The following COG6 variants were observed in gnomAD, a reference collection of about 807,000 sequenced individuals.
COG6 encodes component of oligomeric golgi complex 6, also known as conserved oligomeric Golgi complex subunit 6.
COG6 carries 74 observed loss-of-function variants against 88.8 expected under a neutral mutation model. That is an observed-to-expected ratio of 0.83 (90% confidence interval 0.69 to 1.01). The LOEUF (loss-of-function observed/expected upper bound fraction) is 1.01. Among genes scored for constraint, COG6 ranks in the 50% least tolerant of loss-of-function variants. The pLI is 0.00. For synonymous variants in COG6, 286 were observed against 278.7 expected, an observed-to-expected ratio of 1.03 and a Z score of -0.26; for missense variants, 800 against 797.9, an observed-to-expected ratio of 1.00 and a Z score of -0.03.
At chr13:39,775,522 C>CTA (rs1206885091) in intron 18 of COG6, among the ~76,000 whole-genome samples, 1 of 152,188 alleles carries the variant, frequency 6.6e-6, no homozygotes, top group East Asian at 1.9e-4. Flanking sequence ...TTTGACCTTA[C>CTA]TATACATCCT....
intron 18 of COG6, among the ~76,000 whole-genome samples, chr13:39,779,691 GTGGCTTCATTGAACGAAGAC>G (rs1370607273): frequency 6.6e-6 from 1 of 152,094 alleles, no homozygotes; most frequent in Non-Finnish European, 1.5e-5. Flanking sequence ...GATTCTTAAC[GTGGCTTCATTGAACGAAGAC>G]CTCTCCAGGG....
intron 4 of COG6, 93 bp downstream of exon 4, chr13:39,665,247 A>G: frequency 1.4e-6 from 1 of 739,798 alleles, no homozygotes; most frequent in Non-Finnish European, 2.4e-6. Context: ...TTAAAGCAGA[A>G]TAATAAAAAA....
At position 39,703,779 on chromosome 13, in the gene COG6, C is replaced by G. The variant is rs78074696; in HGVS notation, c.1284+4161C>G. On this transcript the variant is annotated intron_variant, in intron 13 of 18. Transcript: ENST00000455146. ...TATTTATTTTTTTAAGCAACAGGGT[C>G]TTACTGTTGTTGCCCAGGATCGTAG... Among the ~76,000 whole-genome samples, 1,197 of 152,086 alleles carry G rather than the reference C, an allele frequency of 7.9e-3. 18 individuals are homozygous for G. The highest frequency in any genetic ancestry group is 0.025 in the African/African-American group (1,038 of 41,504).
chr13:39,728,960 G>A (rs968499351), intron 18 of COG6, among the ~76,000 whole-genome samples: 7 of 152,084 alleles, frequency 4.6e-5, no homozygotes, highest in African/African-American at 1.4e-4. Context: ...ACTGCGCCCG[G>A]CCAATGTGCT....
At chr13:39,723,550 C>A in intron 16 of COG6, 110 bp downstream of exon 16, 1 of 695,986 alleles carries the variant, frequency 1.4e-6, no homozygotes, top group East Asian at 2.7e-5. Flanking sequence ...CTGTGTTCTC[C>A]TGGGAAAGTG....
At chr13:39,761,781 T>G (rs1033899372) in intron 18 of COG6, among the ~76,000 whole-genome samples, 7 of 140,442 alleles carry the variant, frequency 5.0e-5, no homozygotes, top group Non-Finnish European at 9.3e-5. Flanking sequence ...AAAAAAAAAA[T>G]GCTGAACACC....
At chr13:39,655,940 C>T in intron 1 of COG6, 61 bp downstream of exon 1, 1 of 1,555,844 alleles carries the variant, frequency 6.4e-7, no homozygotes, top group Non-Finnish European at 8.7e-7. Context: ...GGGCCAGGGG[C>T]GGCGTCTGTC....
chr13:39,752,267 A>G lies in COG6; in HGVS notation c.*1174A>G, dbSNP rs1206113830. ...TTGAAATATTTTGAAAAGTAATAAC[A>G]TAAAACTAGTATTTGTAGAAGATTA... On this transcript the variant is annotated 3_prime_UTR_variant, in exon 19 of 19. Transcript: ENST00000455146. 2.4e-5 allele frequency: 22 copies of G among 920,438 alleles called. No homozygotes were observed. The highest frequency in any genetic ancestry group is 3.0e-5 in the Non-Finnish European group (21 of 696,214). 57.0% of individuals were successfully genotyped at this position (920,438 alleles called of 1,614,324 possible).
intron 8 of COG6, 71 bp from the exon 9 acceptor site, chr13:39,687,432 A>G (rs1593425630): frequency 7.2e-7 from 1 of 1,381,906 alleles, no homozygotes; most frequent in East Asian, 2.3e-5. Context: ...TGTCTCAGAA[A>G]TTGCGTGAAT....
intron 18 of COG6, among the ~76,000 whole-genome samples, chr13:39,766,831 C>A (rs572577906): frequency 6.6e-6 from 1 of 152,286 alleles, no homozygotes; most frequent in African/African-American, 2.4e-5. Flanking sequence ...AGCTTATCCT[C>A]CTACTTTTTT....
chr13:39,752,263 T>C lies in COG6; in HGVS notation c.*1170T>C. On this transcript the variant is annotated 3_prime_UTR_variant, in exon 19 of 19. Coordinates refer to ENST00000455146, the MANE Select transcript of COG6 (RefSeq NM_020751.3). ...TAGTTTGAAATATTTTGAAAAGTAA[T>C]AACATAAAACTAGTATTTGTAGAAG... 1.0e-6 allele frequency: 1 copy of C among 956,506 alleles called. No individual in the cohort carries two copies. The highest frequency in any genetic ancestry group is 1.4e-6 in the Non-Finnish European group (1 of 729,468). The allele number at this position is 956,506 out of a possible 1,614,324, so 59.3% of individuals were successfully genotyped here.
chr13:39,732,432 G>GA (rs1444517307), intron 18 of COG6, among the ~76,000 whole-genome samples: 1 of 152,000 alleles, frequency 6.6e-6, no homozygotes, highest in African/African-American at 2.4e-5. Flanking sequence ...CAAACCTAGA[G>GA]AAAAAAATCA....
At position 39,751,623 on chromosome 13, in the gene COG6, A is replaced by G. The variant is rs1393480546; in HGVS notation, c.*530A>G. 7.0e-6 allele frequency: 9 copies of G among 1,287,032 alleles called. No individual in the cohort carries two copies. Among genetic ancestry groups the G allele is most frequent in the Non-Finnish European group, 9.1e-6 (9 of 988,660 alleles). The allele number at this position is 1,287,032 out of a possible 1,614,324, so 79.7% of individuals were successfully genotyped here. The stretch of plus-strand genomic sequence containing the variant: ...AGTTGTTAGCAGAGAGAAAAATAAC[A>G]GTGAATGTGCTCCTGGTGTATATGG... On this transcript the variant is annotated 3_prime_UTR_variant, in exon 19 of 19. Transcript: ENST00000455146.
rs192260902 is a variant in COG6, at chr13:39,724,940, C to T, written c.1746+379C>T. Among the ~76,000 whole-genome samples the T allele has an allele frequency of 5.9e-5, 9 of 151,946 alleles. No homozygotes were observed. The East Asian group carries it at 9.7e-4, about 16-fold the overall frequency. ...CGTTTAAAGTTCCTGACGTGAAAATCGAAATTAGATTCCACTCTTAAAACA... is the reference window on the plus strand; with the variant it reads ...CGTTTAAAGTTCCTGACGTGAAAATTGAAATTAGATTCCACTCTTAAAACA... On this transcript the variant is annotated intron_variant, in intron 17 of 18. Transcript: ENST00000455146.
At chr13:39,693,671 TTAATG>T (rs1566182809) in intron 11 of COG6, among the ~76,000 whole-genome samples, 1 of 151,916 alleles carries the variant, frequency 6.6e-6, no homozygotes, top group Non-Finnish European at 1.5e-5. Context: ...CATAAACATA[TTAATG>T]TAAAGGTAAA....
intron 18 of COG6, among the ~76,000 whole-genome samples, chr13:39,767,120 A>G (rs769515641): frequency 5.3e-5 from 8 of 152,194 alleles, no homozygotes; most frequent in Non-Finnish European, 8.8e-5. Context: ...CTCCTTGCCT[A>G]AAAAGTGCCT....
chr13:39,657,915 T>C (rs1161244092), intron 1 of COG6, among the ~76,000 whole-genome samples: 1 of 152,200 alleles, frequency 6.6e-6, no homozygotes, highest in Non-Finnish European at 1.5e-5. Context: ...GTCTATACTA[T>C]ACCTCCAATT....
exon 19 of COG6, chr13:39,791,091 A>G (rs1881924692): frequency 1.3e-5 from 2 of 152,136 alleles, no homozygotes; most frequent in Admixed American, 6.5e-5. Context: ...GATTTTAAAA[A>G]CAAGGCTTTC....
At chr13:39,726,301 T>C (rs1879132950) in intron 17 of COG6, among the ~76,000 whole-genome samples, 1 of 151,972 alleles carries the variant, frequency 6.6e-6, no homozygotes, top group Admixed American at 6.6e-5. Flanking sequence ...GTTTCTGCTA[T>C]TTTCTAGGCA....
Sources: gnomAD v4.1 joint callset for allele counts (sites outside exome capture counted in the v4.1 genomes callset) on GRCh38, gnomAD v4.1.1 for gene constraint, MANE v1.5 for transcripts, NCBI Gene and HGNC (gene_info 2026-07-23, HGNC 2026-07-21) for gene names.